The following DGCR2 variants were observed in gnomAD, a reference collection of about 807,000 sequenced individuals.
DGCR2 encodes DiGeorge syndrome critical region gene 2.
Under a neutral mutation model 51.6 loss-of-function variants are expected in DGCR2, and 24 were observed. That is an observed-to-expected ratio of 0.47 (90% CI 0.34 to 0.65). DGCR2 has a LOEUF of 0.65. DGCR2 is among the 30% of genes least tolerant of loss of function. The pLI is 0.01. For missense variants in DGCR2, 765 were observed against 772.1 expected (o/e 0.99, Z 0.11); for synonymous variants, 340 against 315.4 (o/e 1.08, Z -0.82).
chr22:19,061,527 C>T (rs1345505029), intron 5 of DGCR2: 4 of 152,192 alleles, frequency 2.6e-5, no homozygotes, highest in Non-Finnish European at 5.9e-5. Flanking sequence ...TTGAATTGTC[C>T]TGTGGAAGAT....
intron 2 of DGCR2, among the ~76,000 whole-genome samples, chr22:19,082,054 G>GTTTTTTTTTTTTTTTTTTTTTTTTTTT (rs1569068875): frequency 1.7e-5 from 2 of 116,464 alleles, no homozygotes; most frequent in Non-Finnish European, 2.1e-5. Context: ...TGTTTTTTGG[G>GTTTTTTTTTTTTTTTTTTTTTTTTTTT]GTTTTTTTTG....
At chr22:19,103,416 C>CTTTTTTTTTTT (rs55877455) in intron 1 of DGCR2, among the ~76,000 whole-genome samples, 2 of 67,732 alleles carry the variant, frequency 3.0e-5, no homozygotes, top group African/African-American at 4.9e-5. Context: ...AAAAAAAGTT[C>CTTTTTTTTTTT]TTTTTTTTTT....
intron 2 of DGCR2, among the ~76,000 whole-genome samples, chr22:19,086,657 C>G (rs186968114): frequency 2.0e-5 from 3 of 152,118 alleles, no homozygotes; most frequent in Admixed American, 6.5e-5. Flanking sequence ...CTTGCACACA[C>G]GGGTCCTCAT....
intron 5 of DGCR2, among the ~76,000 whole-genome samples, chr22:19,060,304 C>G (rs1436816957): frequency 6.6e-6 from 1 of 152,204 alleles, no homozygotes; most frequent in Non-Finnish European, 1.5e-5. Context: ...TACAATCCCT[C>G]AGGTACAGCA....
At chr22:19,054,477 G>A (rs1156656184) in intron 6 of DGCR2, among the ~76,000 whole-genome samples, 4 of 152,174 alleles carry the variant, frequency 2.6e-5, no homozygotes, top group African/African-American at 4.8e-5. Context: ...GGTCCTATAA[G>A]GTGGTTCTAT....
intron 1 of DGCR2, among the ~76,000 whole-genome samples, chr22:19,113,459 T>C (rs2083339175): frequency 6.6e-6 from 1 of 151,762 alleles, no homozygotes; most frequent in African/African-American, 2.4e-5. Flanking sequence ...TGGGCTAGAC[T>C]GAAAAGATGG....
At chr22:19,073,909 G>GAT (rs2082844260) in intron 2 of DGCR2, among the ~76,000 whole-genome samples, 1 of 152,186 alleles carries the variant, frequency 6.6e-6, no homozygotes, top group African/African-American at 2.4e-5. Context: ...GAGAGTGACT[G>GAT]ATTCTCCCAC....
At chr22:19,106,871 T>C (rs1210810441) in intron 1 of DGCR2, among the ~76,000 whole-genome samples, 1 of 151,690 alleles carries the variant, frequency 6.6e-6, no homozygotes, top group Non-Finnish European at 1.5e-5. Flanking sequence ...AGGTCCAAAC[T>C]TTCCAGTTCT....
At chr22:19,064,706 G>T (rs1016957931) in intron 4 of DGCR2, 142 bp downstream of exon 4, 4 of 737,144 alleles carry the variant, frequency 5.4e-6, no homozygotes, top group African/African-American at 1.8e-5. Flanking sequence ...GGATCTCCTG[G>T]GCTTCCAGTG....
rs146404189 is a variant in DGCR2, at chr22:19,053,336, G to A, written c.802+3650C>T. Among the ~76,000 whole-genome samples, 49 of 152,246 alleles carry A rather than the reference G, an allele frequency of 3.2e-4. 1 individual carries two copies. In the East Asian group the frequency reaches 7.7e-3, roughly 24 times the overall value. Reference sequence around the variant, plus strand: ...GTCACACAGTGGACTACTGCTAGGCGGGCTGCAAAAGACAGACTCTAGAGA... The same window carrying A: ...GTCACACAGTGGACTACTGCTAGGCAGGCTGCAAAAGACAGACTCTAGAGA... On this transcript the variant is annotated intron_variant, in intron 6 of 9. Coordinates refer to ENST00000263196, the MANE Select transcript of DGCR2 (RefSeq NM_005137.3).
Position 19,077,832 on chromosome 22 carries a change from C to CTT in DGCR2, c.203-9609_203-9608dup, listed in dbSNP as rs141485718. Among the ~76,000 whole-genome samples the CTT allele has an allele frequency of 6.3e-3, 904 of 143,492 alleles. 14 individuals carry two copies. The highest frequency in any genetic ancestry group is 0.019 in the African/African-American group (755 of 38,974). 94.1% of individuals were successfully genotyped at this position (143,492 alleles called of 152,430 possible). A position where few individuals can be genotyped will look rare whatever the true frequency, so the allele number is the denominator to read the frequency against. Reference sequence around the variant, plus strand: ...GGAACATCTCTCAATTTATTTTTGTCTTTTTTTTTTTTTTGAGACAGTGTC... The same window carrying CTT: ...GGAACATCTCTCAATTTATTTTTGTCTTTTTTTTTTTTTTTTGAGACAGTGTC... On this transcript the variant is annotated intron_variant, in intron 2 of 9. Coordinates refer to ENST00000263196, the MANE Select transcript of DGCR2 (RefSeq NM_005137.3).
In DGCR2 at chr22:19,052,414, T is replaced by TCACACACACA. The variant is rs34670843; in HGVS notation, c.803-3781_803-3772dup. On this transcript the variant is annotated intron_variant, in intron 6 of 9. Coordinates refer to ENST00000263196, the MANE Select transcript of DGCR2 (RefSeq NM_005137.3). ...CTGGGCAACAGAGAAAGACTCTGTC[T>TCACACACACA]CACACACACACACACACACACACAC... Among the ~76,000 whole-genome samples the TCACACACACA allele has an allele frequency of 2.9e-3, 432 of 148,662 alleles. 2 individuals carry two copies. The highest frequency in any genetic ancestry group is 7.9e-3 in the African/African-American group (320 of 40,272).
chr22:19,049,735 G>A (rs2082528844), intron 6 of DGCR2, among the ~76,000 whole-genome samples: 1 of 151,594 alleles, frequency 6.6e-6, no homozygotes, highest in South Asian at 2.1e-4. Context: ...GCTGAGGCAT[G>A]AGAATCTCTT....
chr22:19,095,885 T>C (rs1022511901), intron 1 of DGCR2, among the ~76,000 whole-genome samples: 1 of 152,302 alleles, frequency 6.6e-6, no homozygotes, highest in Admixed American at 6.5e-5. Flanking sequence ...AATTGAATCA[T>C]GGCCCACCTA....
At chr22:19,113,382 T>TA (rs10709293) in intron 1 of DGCR2, among the ~76,000 whole-genome samples, 98 of 142,780 alleles carry the variant, frequency 6.9e-4, no homozygotes, top group South Asian at 3.6e-3. Flanking sequence ...AAAATAAAAA[T>TA]AAAAAAAAAA....
chr22:19,067,775 C>T (rs1216366779), intron 3 of DGCR2, among the ~76,000 whole-genome samples: 1 of 152,184 alleles, frequency 6.6e-6, no homozygotes, highest in Non-Finnish European at 1.5e-5. Flanking sequence ...AAACTCAGAG[C>T]TGGTTTCCTC....
At chr22:19,121,199 TAA>T (rs1206349304) in intron 1 of DGCR2, among the ~76,000 whole-genome samples, 1 of 152,190 alleles carries the variant, frequency 6.6e-6, no homozygotes, top group East Asian at 1.9e-4. Context: ...TAAGAAATAT[TAA>T]GAGTCATGCT....
chr22:19,076,308 G>GAGCCACCGCGCC (rs2082875681), intron 2 of DGCR2, among the ~76,000 whole-genome samples: 1 of 149,678 alleles, frequency 6.7e-6, no homozygotes, highest in African/African-American at 2.6e-5. Flanking sequence ...TTACAGGCAT[G>GAGCCACCGCGCC]CATCACCATA....
chr22:19,052,309 G>A (rs563739624), intron 6 of DGCR2, among the ~76,000 whole-genome samples: 48 of 152,138 alleles, frequency 3.2e-4, no homozygotes, highest in African/African-American at 8.4e-4. Context: ...CCAGCTACTC[G>A]GGAGGCTGAG....
Sources: gnomAD v4.1 joint callset for allele counts (sites outside exome capture counted in the v4.1 genomes callset) on GRCh38, gnomAD v4.1.1 for gene constraint, MANE v1.5 for transcripts, NCBI Gene and HGNC (gene_info 2026-07-23, HGNC 2026-07-21) for gene names.